The following AZIN2 variants were observed in gnomAD, a reference collection of about 807,000 sequenced individuals.
AZIN2 encodes the protein ODC antizyme inhibitor-2.
In AZIN2, 28 loss-of-function variants were observed where a neutral mutation model predicts 47.8. The observed-to-expected ratio is 0.59, with a 90% confidence interval of 0.43 to 0.80. The LOEUF (loss-of-function observed/expected upper bound fraction) is 0.80, where lower values mean the gene tolerates loss of function less well. Ranked by LOEUF, AZIN2 falls within the 30% of genes least tolerant of loss-of-function variation. The pLI, the probability that AZIN2 is intolerant of heterozygous loss-of-function variation, is 0.00. For missense variants in AZIN2, 535 were observed against 582.5 expected (o/e 0.92, Z 0.84); for synonymous variants, 221 against 239.4 (o/e 0.92, Z 0.71).
chr1:33,123,891 G>A (rs533764848), downstream of AZIN2, among the ~76,000 whole-genome samples: 1 of 152,274 alleles, frequency 6.6e-6, no homozygotes, highest in East Asian at 1.9e-4. Context: ...TGGCTACTTG[G>A]GAGGCTGAGG....
At chr1:33,150,014 C>T in the AZIN2 span, among the ~76,000 whole-genome samples, 1 of 152,182 alleles carries the variant, frequency 6.6e-6, no homozygotes, top group Admixed American at 6.5e-5. Context: ...GCTGGCCACA[C>T]CGGCTTAGCA....
At chr1:33,117,427 C>T (rs779271924) in intron 10 of AZIN2, among the ~76,000 whole-genome samples, 22 of 152,240 alleles carry the variant, frequency 1.4e-4, no homozygotes, top group Middle Eastern at 3.4e-3. Context: ...GTGGACATAT[C>T]GACGTCTGGA....
chr1:33,153,341 C>CA, the AZIN2 span, among the ~76,000 whole-genome samples: 4 of 152,226 alleles, frequency 2.6e-5, no homozygotes, highest in Non-Finnish European at 5.9e-5. Flanking sequence ...TGTTGGAGCA[C>CA]AGTCTGTTCC....
chr1:33,115,105 C>G (rs1644478733), intron 10 of AZIN2, among the ~76,000 whole-genome samples: 1 of 152,114 alleles, frequency 6.6e-6, no homozygotes, highest in South Asian at 2.1e-4. Context: ...CTGGGACTGC[C>G]CAGAGTTCTA....
the AZIN2 span, among the ~76,000 whole-genome samples, chr1:33,133,074 C>A: frequency 0.023 from 3,483 of 152,312 alleles, 111 homozygotes; most frequent in African/African-American, 0.079. Context: ...CCATCAGGCC[C>A]AGTGGGTCAG....
At chr1:33,092,393 C>T (rs1006417677) in intron 6 of AZIN2, among the ~76,000 whole-genome samples, 171 bp downstream of exon 6, 10 of 151,642 alleles carry the variant, frequency 6.6e-5, no homozygotes, top group African/African-American at 2.4e-4. Context: ...TCACCCTGTC[C>T]TGGACCCAGC....
the AZIN2 span, chr1:33,147,198 C>G: frequency 6.2e-7 from 1 of 1,613,708 alleles, no homozygotes; most frequent in South Asian, 1.1e-5. This position sits in a 1 kb window ranked among gnomAD's most constrained non-coding sequence, Gnocchi z 8.1. Context: ...CGGTGTTGAT[C>G]CGCAGCGGCT....
the AZIN2 span, among the ~76,000 whole-genome samples, chr1:33,131,091 A>G: frequency 2.6e-5 from 4 of 152,224 alleles, no homozygotes; most frequent in African/African-American, 9.6e-5. Context: ...AAGCAGACTC[A>G]AGGTTGGTCA....
the AZIN2 span, chr1:33,165,387 G>C: frequency 1.2e-5 from 13 of 1,117,332 alleles, no homozygotes; most frequent in African/African-American, 1.6e-5. This position sits in a 1 kb window ranked among gnomAD's most constrained non-coding sequence, Gnocchi z 4.0. Context: ...CCGAGGCCCC[G>C]CCCCTCTTCC....
chr1:33,113,686 C>T lies in AZIN2; in HGVS notation c.1030-4216C>T, dbSNP rs1644388432. Among the ~76,000 whole-genome samples, 2 of 152,204 alleles carry T rather than the reference C, an allele frequency of 1.3e-5. 1 individual carries two copies. The highest frequency in any genetic ancestry group is 2.9e-5 in the Non-Finnish European group (2 of 68,040). Reference sequence around the variant, plus strand: ...GAGTAACCTTAGGCAAAGCAAGCTACTTAATCTCTCTGAGCCTTGTTTCTC... The same window carrying T: ...GAGTAACCTTAGGCAAAGCAAGCTATTTAATCTCTCTGAGCCTTGTTTCTC... On this transcript the variant is annotated intron_variant, in intron 10 of 11. Transcript: ENST00000294517. The surrounding 1 kb of genome is among the most constrained non-coding windows in gnomAD (Gnocchi z 4.1).
At chr1:33,114,889 C>T (rs1237235656) in intron 10 of AZIN2, among the ~76,000 whole-genome samples, 9 of 152,070 alleles carry the variant, frequency 5.9e-5, no homozygotes, top group East Asian at 1.9e-4. Context: ...GTGATGCGCC[C>T]GTGTCCGCCT....
At chr1:33,108,342 CT>C (rs34834263) in intron 10 of AZIN2, among the ~76,000 whole-genome samples, 30,041 of 134,524 alleles carry the variant, frequency 0.22, 2,646 homozygotes, top group Admixed American at 0.29. Context: ...TTCAGATTGA[CT>C]TTTTTTTTTT....
At chr1:33,124,800 T>C (rs1262891145), downstream of AZIN2, among the ~76,000 whole-genome samples, 2 of 152,212 alleles carry the variant, frequency 1.3e-5, no homozygotes, top group African/African-American at 2.4e-5. The surrounding 1 kb of genome is among the most constrained non-coding windows in gnomAD (Gnocchi z 4.6). Flanking sequence ...GATAGTTTGC[T>C]CAGAATGATG....
chr1:33,103,498 G>C (rs967767949), intron 10 of AZIN2, among the ~76,000 whole-genome samples: 1 of 152,072 alleles, frequency 6.6e-6, no homozygotes. Context: ...TGTCAGGGAG[G>C]CCTTTCCTGA....
At chr1:33,117,247 T>G (rs1398481469) in intron 10 of AZIN2, among the ~76,000 whole-genome samples, 1 of 152,166 alleles carries the variant, frequency 6.6e-6, no homozygotes, top group Non-Finnish European at 1.5e-5. Context: ...ATCTTTCTCA[T>G]TAGACTGAGG....
intron 10 of AZIN2, among the ~76,000 whole-genome samples, chr1:33,103,253 T>C (rs1429274266): frequency 6.6e-6 from 1 of 152,136 alleles, no homozygotes; most frequent in Non-Finnish European, 1.5e-5. Context: ...CCTAGACTCC[T>C]TACCACAACG....
intron 5 of AZIN2, among the ~76,000 whole-genome samples, chr1:33,086,842 T>G (rs1331285817): frequency 6.6e-6 from 1 of 152,198 alleles, no homozygotes; most frequent in Non-Finnish European, 1.5e-5. Flanking sequence ...GTGACCAAAC[T>G]CAACCAAGTT....
At chr1:33,087,674 G>A (rs1642073956) in intron 5 of AZIN2, among the ~76,000 whole-genome samples, 1 of 151,594 alleles carries the variant, frequency 6.6e-6, no homozygotes. Flanking sequence ...CTGACCTCAT[G>A]ATTCACCTGC....
chr1:33,145,761 C>T, the AZIN2 span: 1 of 436,074 alleles, frequency 2.3e-6, no homozygotes, highest in African/African-American at 2.0e-5. Context: ...GGCAGGACAA[C>T]CCTAGATGTG....
Sources: gnomAD v4.1 joint callset for allele counts (sites outside exome capture counted in the v4.1 genomes callset) on GRCh38, gnomAD v4.1.1 for gene constraint, Gnocchi (gnomAD v3.1) non-coding constraint, MANE v1.5 for transcripts, NCBI Gene and HGNC (gene_info 2026-07-23, HGNC 2026-07-21) for gene names.